The following PPARGC1B variants were observed in gnomAD, a reference collection of about 807,000 sequenced individuals.
PPARGC1B encodes the protein PPARG coactivator 1 beta.
Under a neutral mutation model 101.6 loss-of-function variants are expected in PPARGC1B, and 34 were observed. That is an observed-to-expected ratio of 0.33 (90% CI 0.25 to 0.45). PPARGC1B has a LOEUF of 0.45. Among genes scored for constraint, PPARGC1B ranks in the 20% least tolerant of loss-of-function variants. The pLI, the probability that PPARGC1B is intolerant of heterozygous loss-of-function variation, is 1.00. For missense variants in PPARGC1B, 1,234 were observed against 1,317.6 expected (o/e 0.94, Z 0.98); for synonymous variants, 548 against 539.3 (o/e 1.02, Z -0.22).
intron 2 of PPARGC1B, among the ~76,000 whole-genome samples, chr5:149,823,359 CAATTT>C (rs1758377227): frequency 6.6e-6 from 1 of 152,130 alleles, no homozygotes; most frequent in Non-Finnish European, 1.5e-5. Context: ...TCTTGAACCT[CAATTT>C]AAGCCCCATG....
chr5:149,847,520 G>C lies in PPARGC1B; in HGVS notation c.3034G>C (p.Asp1012His). Reference sequence around the variant, plus strand: ...AAGCAAGTATGAAGCCATGGATTTTGACAGCTTACTGAAAGAGGCCCAGCA... The same window carrying C: ...AAGCAAGTATGAAGCCATGGATTTTCACAGCTTACTGAAAGAGGCCCAGCA... ...GKSKYEAMDF[D>H]SLLKEAQQSL... The change falls in exon 12 of 12, where the codon GAC becomes CAC. Residue 1012 changes from aspartate (D) to histidine (H), a missense_variant. Asp to His is a moderately conservative substitution (Grantham distance 81). Transcript: ENST00000309241. 6.2e-7 allele frequency: 1 copy of C among 1,614,166 alleles called. No homozygotes were observed. The highest frequency in any genetic ancestry group is 8.5e-7 in the Non-Finnish European group (1 of 1,180,038).
intron 1 of PPARGC1B, among the ~76,000 whole-genome samples, chr5:149,777,985 A>C (rs186358328): frequency 3.9e-5 from 3 of 77,648 alleles, no homozygotes; most frequent in Non-Finnish European, 7.2e-5. Flanking sequence ...GCTTGTATCC[A>C]TGTAGCAGTG....
chr5:149,846,303 C>A (rs1042745604), intron 11 of PPARGC1B: 5 of 419,572 alleles, frequency 1.2e-5, no homozygotes, highest in African/African-American at 1.0e-4. Context: ...CACCTGGGGA[C>A]AAGATGATGA....
intron 1 of PPARGC1B, among the ~76,000 whole-genome samples, chr5:149,773,497 C>T (rs573918634): frequency 5.2e-4 from 79 of 152,250 alleles, no homozygotes; most frequent in Admixed American, 1.4e-3. Flanking sequence ...AGGTGTGTCT[C>T]AGCCTGGCCC....
intron 1 of PPARGC1B, among the ~76,000 whole-genome samples, chr5:149,809,114 C>G (rs1561566555): frequency 1.6e-5 from 2 of 125,692 alleles, no homozygotes; most frequent in African/African-American, 6.2e-5. Flanking sequence ...CTATCTCCAC[C>G]TTAGATAGAT....
At chr5:149,773,809 G>T (rs1180418265) in intron 1 of PPARGC1B, among the ~76,000 whole-genome samples, 1 of 152,056 alleles carries the variant, frequency 6.6e-6, no homozygotes, top group African/African-American at 2.4e-5. Context: ...TCTCAGATGG[G>T]AGCTGAGTGC....
At chr5:149,738,115 C>T (rs1754791233) in intron 1 of PPARGC1B, among the ~76,000 whole-genome samples, 5 of 152,232 alleles carry the variant, frequency 3.3e-5, no homozygotes, top group Non-Finnish European at 7.3e-5. Flanking sequence ...ATCTATAGAT[C>T]ATATTAAGTG....
At chr5:149,785,944 CAG>C (rs1756790166) in intron 1 of PPARGC1B, among the ~76,000 whole-genome samples, 1 of 146,076 alleles carries the variant, frequency 6.8e-6, no homozygotes, top group Admixed American at 7.0e-5. Flanking sequence ...TTTTTTGAGA[CAG>C]GGTCTCACTC....
intron 6 of PPARGC1B, 74 bp from the exon 7 acceptor site, chr5:149,835,227 C>G (rs1374474590): frequency 2.2e-6 from 3 of 1,374,768 alleles, no homozygotes; most frequent in Non-Finnish European, 3.1e-6. Flanking sequence ...TCCCTGCGAC[C>G]CTTTCATGGG....
intron 2 of PPARGC1B, among the ~76,000 whole-genome samples, chr5:149,826,289 G>T (rs1758514899): frequency 6.6e-6 from 1 of 152,174 alleles, no homozygotes; most frequent in Admixed American, 6.5e-5. Flanking sequence ...GGCTGTAACG[G>T]GTTGCTGCTA....
chr5:149,771,661 C>A (rs1029545122), intron 1 of PPARGC1B, among the ~76,000 whole-genome samples: 2 of 152,212 alleles, frequency 1.3e-5, no homozygotes, highest in African/African-American at 4.8e-5. Flanking sequence ...GGAGTATTTT[C>A]TTTTCCTCTG....
rs1369845790 is a variant in PPARGC1B at position 149,832,649 on chromosome 5, T to C, written c.583-7T>C. The C allele has an allele frequency of 2.6e-6, 4 of 1,525,760 alleles. No individual in the cohort carries two copies. Among genetic ancestry groups the C allele is most frequent in the Non-Finnish European group, 3.5e-6 (4 of 1,134,452 alleles). The allele number at this position is 1,525,760 out of a possible 1,614,324, so 94.5% of individuals were successfully genotyped here. Reference sequence around the variant, plus strand: ...CCTTCCTCACTCTGGCCTCTCTCCCTCTCTAGGCGGACAGCACCCAAGACA... The same window carrying C: ...CCTTCCTCACTCTGGCCTCTCTCCCCCTCTAGGCGGACAGCACCCAAGACA... On this transcript the variant is annotated splice_polypyrimidine_tract_variant and splice_region_variant and intron_variant, in intron 4 of 11. Transcript: ENST00000309241. The surrounding 1 kb of genome is among the most constrained non-coding windows in gnomAD (Gnocchi z 4.9).
intron 4 of PPARGC1B, among the ~76,000 whole-genome samples, chr5:149,831,959 C>T (rs560348560): frequency 6.6e-6 from 1 of 152,286 alleles, no homozygotes; most frequent in Non-Finnish European, 1.5e-5. Flanking sequence ...AATTCTATGA[C>T]TTTTAGTAAA....
chr5:149,777,701 C>T (rs1756417684), intron 1 of PPARGC1B, among the ~76,000 whole-genome samples: 1 of 152,010 alleles, frequency 6.6e-6, no homozygotes, highest in Non-Finnish European at 1.5e-5. Flanking sequence ...GGTCCTCTCT[C>T]CCCATGAGAA....
intron 3 of PPARGC1B, among the ~76,000 whole-genome samples, chr5:149,829,812 G>T (rs1204356922): frequency 1.3e-5 from 2 of 151,900 alleles, no homozygotes; most frequent in African/African-American, 2.4e-5. Flanking sequence ...GAGGCGGGCA[G>T]ATCGCTTAAG....
intron 1 of PPARGC1B, among the ~76,000 whole-genome samples, chr5:149,791,190 G>A (rs933682114): frequency 4.1e-5 from 5 of 121,444 alleles, no homozygotes; most frequent in Middle Eastern, 4.7e-3. Context: ...GCTGAGACAC[G>A]AGAATTGTCT....
At chr5:149,787,841 G>T (rs373214966) in intron 1 of PPARGC1B, among the ~76,000 whole-genome samples, 4 of 152,140 alleles carry the variant, frequency 2.6e-5, no homozygotes, top group African/African-American at 9.7e-5. Context: ...GGAAGGGTTA[G>T]GTTTGGTCAC....
At chr5:149,829,983 C>T (rs32580) in intron 3 of PPARGC1B, among the ~76,000 whole-genome samples, 55,368 of 139,886 alleles carry the variant, frequency 0.4, 11,405 homozygotes, top group African/African-American at 0.54. Context: ...TGCAGTGAGC[C>T]GAGATCCTGC....
chr5:149,741,548 A>G (rs1366908618), intron 1 of PPARGC1B, among the ~76,000 whole-genome samples: 1 of 152,002 alleles, frequency 6.6e-6, no homozygotes. Flanking sequence ...GTAGCTCACT[A>G]TCCATCTATT....
Sources: gnomAD v4.1 joint callset for allele counts (sites outside exome capture counted in the v4.1 genomes callset) on GRCh38, gnomAD v4.1.1 for gene constraint, Gnocchi (gnomAD v3.1) non-coding constraint, MANE v1.5 for transcripts, NCBI Gene and HGNC (gene_info 2026-07-23, HGNC 2026-07-21) for gene names.